Variants in UROC1 observed in about 807,000 individuals in gnomAD.
The protein encoded by UROC1 is urocanate hydratase.
UROC1 carries 79 observed loss-of-function variants against 89.5 expected under a neutral mutation model. That is an observed-to-expected ratio of 0.88 (90% CI 0.74 to 1.06). The LOEUF is 1.06. Ranked by LOEUF, UROC1 falls within the 50% of genes least tolerant of loss-of-function variation. The probability of loss-of-function intolerance (pLI) is 0.00; values close to 1 mark genes in which losing one functional copy is unlikely to be tolerated. For missense variants in UROC1, 885 were observed against 907.8 expected (o/e 0.97, Z 0.32); for synonymous variants, 361 against 354.8 (o/e 1.02, Z -0.20).
rs753520005 is a variant in UROC1 at position 126,503,988 on chromosome 3, G to A, written c.902+7C>T. On this transcript the variant is annotated splice_region_variant and intron_variant, in intron 9 of 19. Transcript: ENST00000290868. ...TCAGGTGTCCGGAGTTGAGCTTGGA[G>A]CTGTACCTGAGCCTCTGGATGCAGC... 3.7e-6 allele frequency: 6 copies of A among 1,613,858 alleles called. No individual in the cohort carries two copies. Among genetic ancestry groups the A allele is most frequent in the Non-Finnish European group, 5.1e-6 (6 of 1,180,004 alleles).
chr3:126,482,146 A>G lies in UROC1; in HGVS notation c.*199T>C. 1 of 703,940 alleles carries G rather than the reference A, an allele frequency of 1.4e-6. No individual in the cohort carries two copies. Among genetic ancestry groups the G allele is most frequent in the Non-Finnish European group, 2.3e-6 (1 of 428,858 alleles). 43.6% of individuals were successfully genotyped at this position (703,940 alleles called of 1,614,324 possible). On this transcript the variant is annotated 3_prime_UTR_variant, in exon 20 of 20. Coordinates refer to ENST00000290868, the MANE Select transcript of UROC1 (RefSeq NM_144639.3). ...GCAAGTGGCATGGTTGTGGACAGAG[A>G]GCTGCATGTCTCTGGGCCTCAGGGG...
chr3:126,489,494 G>A (rs1480773322), intron 16 of UROC1, 119 bp from the exon 17 acceptor site: 11 of 786,606 alleles, frequency 1.4e-5, no homozygotes, highest in Non-Finnish European at 2.2e-5. Context: ...CTGGAAAATA[G>A]ACCCTCTTCA....
At position 126,496,030 on chromosome 3, in the gene UROC1, GC is replaced by G. The variant is rs1181893658; in HGVS notation, c.1509+7del. The G allele has an allele frequency of 4.3e-6, 7 of 1,612,238 alleles. No individual in the cohort carries two copies. Among genetic ancestry groups the G allele is most frequent in the Non-Finnish European group, 5.1e-6 (6 of 1,179,782 alleles). ...CCACCCCAGCCTCCCCCAGGCCTGG[GC>G]CCTCACCAGCCGGTGCCTGGCGGCC... On this transcript the variant is annotated splice_region_variant and intron_variant, in intron 15 of 19. Coordinates refer to ENST00000290868, the MANE Select transcript of UROC1 (RefSeq NM_144639.3).
intron 18 of UROC1, among the ~76,000 whole-genome samples, chr3:126,487,800 C>A (rs1234708888): frequency 2.0e-5 from 3 of 152,250 alleles, no homozygotes; most frequent in Non-Finnish European, 2.9e-5. Context: ...GTTTTGCACT[C>A]TCAAGTGAGG....
intron 13 of UROC1, among the ~76,000 whole-genome samples, 164 bp from the exon 14 acceptor site, chr3:126,498,336 C>T (rs1935832502): frequency 6.6e-6 from 1 of 152,164 alleles, no homozygotes; most frequent in East Asian, 1.9e-4. Flanking sequence ...TGTCCCCTCT[C>T]TGTGTCCCAG....
chr3:126,508,036 G>A lies in UROC1; in HGVS notation c.471C>T (p.Tyr157=), dbSNP rs1432727397. Reference sequence around the variant, plus strand: ...GAAAGAGGCCAAGTGGGTGCCCACTGTACATGACCAAAGTCTGCTCCTCTG... The same window carrying A: ...GAAAGAGGCCAAGTGGGTGCCCACTATACATGACCAAAGTCTGCTCCTCTG... ...KMTEEQTLVM[Y]SGHPLGLFPS... is the part of the protein sequence containing the mutation. Residue 157 remains tyrosine, a synonymous_variant, in exon 5 of 20, where the codon TAC becomes TAT. Transcript: ENST00000290868. The A allele has an allele frequency of 6.2e-7, 1 of 1,614,070 alleles. No homozygotes were observed.
intron 9 of UROC1, among the ~76,000 whole-genome samples, chr3:126,503,490 C>A (rs746501402): frequency 3.9e-5 from 6 of 152,242 alleles, no homozygotes; most frequent in Non-Finnish European, 8.8e-5. Context: ...GAGAAACCCA[C>A]CGACTGCCCC....
At chr3:126,505,570 G>A (rs906740840) in intron 8 of UROC1, 131 bp downstream of exon 8, 133 of 1,430,818 alleles carry the variant, frequency 9.3e-5, no homozygotes, top group Middle Eastern at 4.0e-4. Flanking sequence ...TCGTGGAGGA[G>A]GCAAGGGTGG....
At chr3:126,513,821 C>A (rs937130568) in intron 1 of UROC1, among the ~76,000 whole-genome samples, 1 of 152,108 alleles carries the variant, frequency 6.6e-6, no homozygotes, top group African/African-American at 2.4e-5. Context: ...TAGGTATGCC[C>A]CTATTCAGAA....
chr3:126,496,060 C>T lies in UROC1; in HGVS notation c.1487G>A (p.Arg496Gln), dbSNP rs75603988. Reference protein sequence around the residue: ...LQYMDNIRWIREAARHRLVVG... With the variant: ...LQYMDNIRWIQEAARHRLVVG... ...CACCAGCCGGTGCCTGGCGGCCTCC[C>T]GGATCCAGCGGATGTTGTCCATGTA... Residue 496 changes from arginine to glutamine, a missense_variant, in exon 15 of 20, where the codon CGG (arginine) becomes CAG (glutamine). By Grantham distance (43) the Arg-to-Gln change is conservative. Coordinates refer to ENST00000290868, the MANE Select transcript of UROC1 (RefSeq NM_144639.3). 1.7e-3 allele frequency: 2,769 copies of T among 1,613,344 alleles called. 37 individuals carry two copies. In the African/African-American group the frequency reaches 0.032, roughly 18 times the overall value.
chr3:126,509,744 G>T, intron 2 of UROC1, 66 bp from the exon 3 acceptor site: 2 of 1,446,762 alleles, frequency 1.4e-6, no homozygotes, highest in African/African-American at 1.4e-5. Context: ...GCCTGGCCCC[G>T]CCCAGCCCCT....
chr3:126,503,954 TG>T, intron 9 of UROC1, 40 bp downstream of exon 9: 1 of 1,610,074 alleles, frequency 6.2e-7, no homozygotes, highest in South Asian at 1.1e-5. Context: ...TGCTGCCACG[TG>T]TCAGGTGTCA....
chr3:126,490,845 C>G (rs1197105013), intron 16 of UROC1, among the ~76,000 whole-genome samples: 4 of 152,146 alleles, frequency 2.6e-5, no homozygotes, highest in Non-Finnish European at 5.9e-5. Flanking sequence ...GCACGCAGGT[C>G]AGTATGCAGT....
At chr3:126,508,194 C>G in intron 4 of UROC1, 99 bp from the exon 5 acceptor site, 1 of 1,603,750 alleles carries the variant, frequency 6.2e-7, no homozygotes, top group Non-Finnish European at 8.5e-7. Context: ...CCACAGGCCC[C>G]CAGGTCTCCA....
intron 18 of UROC1, among the ~76,000 whole-genome samples, chr3:126,485,826 A>G (rs1935502781): frequency 6.6e-6 from 1 of 152,022 alleles, no homozygotes; most frequent in South Asian, 2.1e-4. Flanking sequence ...ACTGTAAGAC[A>G]TTGTTTAGTG....
chr3:126,502,260 TGTGC>T (rs931286269), intron 9 of UROC1, among the ~76,000 whole-genome samples: 2 of 149,862 alleles, frequency 1.3e-5, no homozygotes, highest in Admixed American at 6.7e-5. Flanking sequence ...TTTATGTGTG[TGTGC>T]GCCTGTGTGT....
chr3:126,515,380 C>T (rs1018497113), intron 1 of UROC1, among the ~76,000 whole-genome samples: 2 of 150,910 alleles, frequency 1.3e-5, no homozygotes, highest in Non-Finnish European at 3.0e-5. Context: ...ACCACCTACC[C>T]GCCCCCGTCC....
chr3:126,510,335 G>A (rs1936164802), intron 2 of UROC1, among the ~76,000 whole-genome samples: 1 of 152,206 alleles, frequency 6.6e-6, no homozygotes, highest in African/African-American at 2.4e-5. Flanking sequence ...CTGCCCTCTG[G>A]CAGAAAAACA....
chr3:126,495,547 C>G (rs575972902), intron 15 of UROC1, among the ~76,000 whole-genome samples: 1 of 152,306 alleles, frequency 6.6e-6, no homozygotes, highest in African/African-American at 2.4e-5. Flanking sequence ...ATCCATTCGT[C>G]CATCAGGGAA....
Sources: gnomAD v4.1 joint callset for allele counts (sites outside exome capture counted in the v4.1 genomes callset) on GRCh38, gnomAD v4.1.1 for gene constraint, MANE v1.5 for transcripts, NCBI Gene and HGNC (gene_info 2026-07-23, HGNC 2026-07-21) for gene names.